The following TANC2 variants were observed in gnomAD, a reference collection of about 807,000 sequenced individuals.
TANC2 encodes protein TANC2.
In TANC2, 26 loss-of-function variants were observed where a neutral mutation model predicts 210.5. The ratio of observed to expected loss-of-function variants is 0.12; its 90% CI spans 0.09 to 0.17. The LOEUF (loss-of-function observed/expected upper bound fraction) is 0.17, where lower values mean the gene tolerates loss of function less well. Among genes scored for constraint, TANC2 ranks in the 10% least tolerant of loss-of-function variants. The pLI is 1.00. For synonymous variants in TANC2, 931 were observed against 967.1 expected, an observed-to-expected ratio of 0.96 and a Z score of 0.69; for missense variants, 2,129 against 2,608.9, an observed-to-expected ratio of 0.82 and a Z score of 4.01.
intron 8 of TANC2, among the ~76,000 whole-genome samples, chr17:63,249,093 C>T (rs2042990133): frequency 6.6e-6 from 1 of 152,096 alleles, no homozygotes; most frequent in African/African-American, 2.4e-5. Context: ...ACTCCATGTT[C>T]CACATATGAG....
At chr17:63,147,543 C>T (rs915242813) in intron 4 of TANC2, among the ~76,000 whole-genome samples, 3 of 152,126 alleles carry the variant, frequency 2.0e-5, no homozygotes, top group Non-Finnish European at 4.4e-5. Context: ...CGATCACCTG[C>T]AGGGCTTGCT....
rs2034280889 is a variant in TANC2, at chr17:63,020,033, T to G, written c.67+10407T>G. Among the ~76,000 whole-genome samples the G allele has an allele frequency of 1.3e-5, 2 of 152,206 alleles. 1 individual carries two copies. Among genetic ancestry groups the G allele is most frequent in the Non-Finnish European group, 2.9e-5 (2 of 68,030 alleles). Reference sequence around the variant, plus strand: ...CCTCCCCGTCCCGGGTTCAAGCGATTCTCCTGGCTCAGCCTCCCCAGTAGC... The same window carrying G: ...CCTCCCCGTCCCGGGTTCAAGCGATGCTCCTGGCTCAGCCTCCCCAGTAGC... On this transcript the variant is annotated intron_variant, in intron 2 of 27. Coordinates refer to ENST00000689528, the Ensembl canonical transcript of TANC2.
At chr17:62,995,145 T>G (rs2033047891) in intron 1 of TANC2, among the ~76,000 whole-genome samples, 3 of 152,232 alleles carry the variant, frequency 2.0e-5, no homozygotes. Context: ...ACAGTTTACA[T>G]GCATTGTAGA....
chr17:62,991,496 G>A (rs373396444), intron 1 of TANC2, among the ~76,000 whole-genome samples: 45 of 151,908 alleles, frequency 3.0e-4, no homozygotes, highest in African/African-American at 7.5e-4. Context: ...AAAATTAGCC[G>A]GGTGTGGTGG....
In TANC2 at chr17:63,253,611, T is replaced by A. The variant is rs549513393; in HGVS notation, c.1034-14137T>A. ...AGTTTTTAATCCATTTTTATTTGAT[T>A]TTTGGTTTTGGGTTTTTTTGACATA... On this transcript the variant is annotated intron_variant, in intron 8 of 27. Coordinates refer to ENST00000689528, the Ensembl canonical transcript of TANC2. 1.6e-4 allele frequency among the ~76,000 whole-genome samples: 24 copies of A among 152,196 alleles called. No individual in the cohort carries two copies. In the East Asian group the frequency reaches 3.7e-3, roughly 23 times the overall value.
At chr17:63,025,006 TTG>T (rs1397256230) in intron 2 of TANC2, among the ~76,000 whole-genome samples, 1 of 152,200 alleles carries the variant, frequency 6.6e-6, no homozygotes, top group Non-Finnish European at 1.5e-5. Flanking sequence ...TTTGAGAAAT[TTG>T]TGTAAGTTTT....
chr17:63,024,064 T>C (rs2034454620), intron 2 of TANC2, among the ~76,000 whole-genome samples: 1 of 152,252 alleles, frequency 6.6e-6, no homozygotes, highest in Non-Finnish European at 1.5e-5. Context: ...TTCTGTATTT[T>C]GTGGTGCTTC....
At chr17:63,123,330 G>A (rs1335742236) in intron 4 of TANC2, among the ~76,000 whole-genome samples, 1 of 152,106 alleles carries the variant, frequency 6.6e-6, no homozygotes, top group Non-Finnish European at 1.5e-5. Flanking sequence ...GGCTGAGGCG[G>A]GCGGATCACA....
chr17:63,411,191 G>A (rs994455750), intron 21 of TANC2, among the ~76,000 whole-genome samples: 6 of 152,096 alleles, frequency 3.9e-5, no homozygotes, highest in South Asian at 2.1e-4. Flanking sequence ...CGGGAGATCC[G>A]AGAGGCAGTG....
At chr17:63,129,915 T>C (rs143517591) in intron 4 of TANC2, among the ~76,000 whole-genome samples, 332 of 152,060 alleles carry the variant, frequency 2.2e-3, no homozygotes, top group African/African-American at 7.7e-3. Flanking sequence ...AAAACTTTTA[T>C]AGAAGTATGT....
intron 19 of TANC2, among the ~76,000 whole-genome samples, chr17:63,401,135 A>C (rs1238119931): frequency 3.9e-5 from 6 of 152,154 alleles, no homozygotes; most frequent in Non-Finnish European, 8.8e-5. Flanking sequence ...ATAGCACATG[A>C]TCATTTAAAT....
intron 2 of TANC2, among the ~76,000 whole-genome samples, chr17:63,067,262 C>T (rs1294150780): frequency 6.6e-6 from 1 of 152,094 alleles, no homozygotes; most frequent in Non-Finnish European, 1.5e-5. Context: ...GAAAAGACAA[C>T]AGATACCAAC....
intron 2 of TANC2, among the ~76,000 whole-genome samples, chr17:63,013,939 A>G (rs554938207): frequency 1.3e-5 from 2 of 152,002 alleles, no homozygotes; most frequent in East Asian, 3.9e-4. Context: ...CAGTTATACA[A>G]TTGATAGACC....
rs185916805 is a variant in TANC2, at chr17:63,358,891, A to T, written c.2582+3501A>T. ...TTAGGCTCGCCCTGAATAAATCTCC[A>T]CTCTGTTCTGTTTCTATTCCTCATT... On this transcript the variant is annotated intron_variant, in intron 14 of 27. Transcript: ENST00000689528. Among the ~76,000 whole-genome samples, 14 of 148,356 alleles carry T rather than the reference A, an allele frequency of 9.4e-5. No homozygotes were observed. In the East Asian group the frequency reaches 2.4e-3, roughly 25 times the overall value.
intron 4 of TANC2, among the ~76,000 whole-genome samples, chr17:63,140,779 GC>G (rs1567757467): frequency 6.6e-6 from 1 of 152,068 alleles, no homozygotes; most frequent in African/African-American, 2.4e-5. Flanking sequence ...ACAGAGTGTC[GC>G]TTTGTTGCCC....
At position 63,073,926 on chromosome 17, in the gene TANC2, CT is replaced by C; in HGVS notation, c.68-13del. On this transcript the variant is annotated splice_polypyrimidine_tract_variant and intron_variant, in intron 2 of 27. Coordinates refer to ENST00000689528, the Ensembl canonical transcript of TANC2. ...TCTCATTATCTATTTGCTTATGCTC[CT>C]TTTAATTTTATGCAGATGGAGGGAG... 1 of 1,565,434 alleles carries C rather than the reference CT, an allele frequency of 6.4e-7. No homozygotes were observed. The highest frequency in any genetic ancestry group is 8.7e-7 in the Non-Finnish European group (1 of 1,154,562).
intron 2 of TANC2, among the ~76,000 whole-genome samples, chr17:63,048,712 C>T (rs544795450): frequency 1.3e-5 from 2 of 152,070 alleles, no homozygotes; most frequent in Non-Finnish European, 2.9e-5. Flanking sequence ...CCAAGTACTA[C>T]ATGTTCTCTC....
At chr17:63,205,060 G>A (rs2041655304) in intron 7 of TANC2, among the ~76,000 whole-genome samples, 1 of 152,034 alleles carries the variant, frequency 6.6e-6, no homozygotes, top group Non-Finnish European at 1.5e-5. Context: ...ACTCTAGCCT[G>A]GGCAACTGAG....
intron 7 of TANC2, among the ~76,000 whole-genome samples, chr17:63,223,329 AAGC>A (rs1368343124): frequency 1.3e-5 from 2 of 152,216 alleles, no homozygotes; most frequent in African/African-American, 4.8e-5. Context: ...CAGTGAAAGA[AAGC>A]AGGTTTATTA....
Sources: gnomAD v4.1 joint callset for allele counts (sites outside exome capture counted in the v4.1 genomes callset) on GRCh38, gnomAD v4.1.1 for gene constraint, MANE v1.5 for transcripts, NCBI Gene and HGNC (gene_info 2026-07-23, HGNC 2026-07-21) for gene names.